NRXN3: variants seen among roughly 807,000 people sequenced by gnomAD.
The protein encoded by NRXN3 is neurexin III.
NRXN3 carries 32 observed loss-of-function variants against 137.6 expected under a neutral mutation model. The ratio of observed to expected loss-of-function variants is 0.23; its 90% CI spans 0.18 to 0.31. The LOEUF (loss-of-function observed/expected upper bound fraction) is 0.31. Among genes scored for constraint, NRXN3 ranks in the 10% least tolerant of loss-of-function variants. NRXN3 has a pLI of 1.00. For missense variants in NRXN3, 1,574 were observed against 2,062.5 expected (o/e 0.76, Z 4.59); for synonymous variants, 798 against 784.5 (o/e 1.02, Z -0.29).
At chr14:79,772,446 A>T (rs1389556762) in intron 19 of NRXN3, among the ~76,000 whole-genome samples, 2 of 152,154 alleles carry the variant, frequency 1.3e-5, no homozygotes, top group Non-Finnish European at 2.9e-5. Context: ...TCAATGGAAC[A>T]GAACAGAGCC....
chr14:79,066,610 A>ACCCATGAGCATG (rs2099681071), intron 15 of NRXN3, among the ~76,000 whole-genome samples: 1 of 151,192 alleles, frequency 6.6e-6, no homozygotes, highest in Non-Finnish European at 1.5e-5. Context: ...GATTCTCCCT[A>ACCCATGAGCATG]GTCGTTTATT....
chr14:79,840,272 C>A (rs1344763357), intron 20 of NRXN3, among the ~76,000 whole-genome samples: 2 of 152,134 alleles, frequency 1.3e-5, no homozygotes, highest in East Asian at 1.9e-4. Context: ...CCTTGGGGAA[C>A]TTTTAAAACA....
intron 4 of NRXN3, among the ~76,000 whole-genome samples, chr14:78,599,311 C>A (rs1016604891): frequency 6.6e-6 from 1 of 152,210 alleles, no homozygotes; most frequent in Non-Finnish European, 1.5e-5. Flanking sequence ...TAGAATGCAA[C>A]TTATGCTGGC....
chr14:79,526,363 A>T (rs1460375767), intron 16 of NRXN3, among the ~76,000 whole-genome samples: 1 of 152,016 alleles, frequency 6.6e-6, no homozygotes, highest in Non-Finnish European at 1.5e-5. Flanking sequence ...ACCTAATTTA[A>T]AAAAATTTTT....
chr14:78,343,548 C>T (rs2082373930), intron 4 of NRXN3, among the ~76,000 whole-genome samples: 1 of 152,174 alleles, frequency 6.6e-6, no homozygotes, highest in Non-Finnish European at 1.5e-5. Context: ...AATTCTTACA[C>T]CAGTTCTGTG....
At chr14:79,232,613 G>A (rs1372742048) in intron 15 of NRXN3, among the ~76,000 whole-genome samples, 1 of 152,048 alleles carries the variant, frequency 6.6e-6, no homozygotes, top group African/African-American at 2.4e-5. Flanking sequence ...CTTTCTAGTT[G>A]GAGAAATTCC....
At chr14:78,705,847 G>A (rs1318985713) in intron 6 of NRXN3, among the ~76,000 whole-genome samples, 1 of 152,198 alleles carries the variant, frequency 6.6e-6, no homozygotes, top group Non-Finnish European at 1.5e-5. Flanking sequence ...AGTAGATAGA[G>A]CACTCACCCT....
chr14:79,580,346 A>G (rs2097702494), intron 16 of NRXN3, among the ~76,000 whole-genome samples: 1 of 152,050 alleles, frequency 6.6e-6, no homozygotes. Flanking sequence ...TTTATCACTG[A>G]CATTGTTTAG....
intron 16 of NRXN3, among the ~76,000 whole-genome samples, chr14:79,517,638 G>A (rs1159166768): frequency 6.7e-6 from 1 of 149,070 alleles, no homozygotes; most frequent in Non-Finnish European, 1.5e-5. Context: ...TTCCTGTAGA[G>A]GACGTGAGGT....
intron 4 of NRXN3, among the ~76,000 whole-genome samples, chr14:78,566,669 C>T (rs1481046273): frequency 6.6e-6 from 1 of 152,212 alleles, no homozygotes; most frequent in African/African-American, 2.4e-5. Context: ...CCTCCTCCCT[C>T]TGGTTTCTTT....
At chr14:79,361,585 T>A (rs916449368) in intron 15 of NRXN3, among the ~76,000 whole-genome samples, 1 of 152,008 alleles carries the variant, frequency 6.6e-6, no homozygotes, top group Non-Finnish European at 1.5e-5. Context: ...AGTGTGTTGG[T>A]GCATGCCTGT....
intron 3 of NRXN3, among the ~76,000 whole-genome samples, chr14:78,296,022 T>G (rs894529451): frequency 6.6e-6 from 1 of 151,896 alleles, no homozygotes; most frequent in African/African-American, 2.4e-5. Context: ...CAGATCTTCC[T>G]TATTCTTTTC....
intron 15 of NRXN3, among the ~76,000 whole-genome samples, chr14:79,011,368 C>CCCCA (rs2099570714): frequency 1.6e-5 from 1 of 61,866 alleles, no homozygotes; most frequent in African/African-American, 1.1e-4. Context: ...TTTCCCCGCC[C>CCCCA]CCCCACCTCC....
chr14:79,370,135 C>A (rs762725631), intron 15 of NRXN3, among the ~76,000 whole-genome samples: 1 of 152,170 alleles, frequency 6.6e-6, no homozygotes, highest in Non-Finnish European at 1.5e-5. Context: ...CTATCCCCAC[C>A]ATTTAGTAAG....
intron 15 of NRXN3, among the ~76,000 whole-genome samples, chr14:78,991,232 AGC>A: frequency 6.6e-6 from 1 of 152,326 alleles, no homozygotes; most frequent in Non-Finnish European, 1.5e-5. Context: ...AGAGGTCATC[AGC>A]AATTGCTTTG....
intron 15 of NRXN3, among the ~76,000 whole-genome samples, chr14:79,439,555 G>A (rs549242675): frequency 6.6e-6 from 1 of 152,226 alleles, no homozygotes; most frequent in Non-Finnish European, 1.5e-5. Flanking sequence ...GGTATGTTTT[G>A]CTTCCTAGCT....
At chr14:78,325,842 A>G (rs2080011061) in intron 4 of NRXN3, among the ~76,000 whole-genome samples, 2 of 152,152 alleles carry the variant, frequency 1.3e-5, no homozygotes, top group South Asian at 2.1e-4. Context: ...GCAAATCTAT[A>G]CAAATATGCA....
At chr14:79,521,622 A>G (rs2097065924) in intron 16 of NRXN3, among the ~76,000 whole-genome samples, 1 of 152,172 alleles carries the variant, frequency 6.6e-6, no homozygotes, top group Admixed American at 6.5e-5. Flanking sequence ...TTGATACTTT[A>G]TATATTATCC....
intron 1 of NRXN3, among the ~76,000 whole-genome samples, chr14:78,207,073 A>G (rs1232583130): frequency 6.6e-6 from 1 of 152,064 alleles, no homozygotes; most frequent in East Asian, 1.9e-4. Flanking sequence ...CATGTTGGCC[A>G]GGCTGGTCTC....
Sources: allele counts gnomAD v4.1 joint callset (sites outside exome capture counted in the v4.1 genomes callset), GRCh38; gene constraint gnomAD v4.1.1; transcripts MANE v1.5; gene names NCBI Gene and HGNC (gene_info 2026-07-23, HGNC 2026-07-21).